CAMK1G: variants seen among roughly 807,000 people sequenced by gnomAD.
CAMK1G encodes calcium/calmodulin dependent protein kinase IG, also known as calcium/calmodulin-dependent protein kinase type 1G.
CAMK1G carries 27 observed loss-of-function variants against 54.8 expected under a neutral mutation model. That is an observed-to-expected ratio of 0.49 (90% CI 0.36 to 0.68). The LOEUF (loss-of-function observed/expected upper bound fraction) is 0.68. CAMK1G is among the 30% of genes least tolerant of loss of function. The pLI, the probability that CAMK1G is intolerant of heterozygous loss-of-function variation, is 0.00. For missense variants in CAMK1G, 512 were observed against 591.0 expected, an observed-to-expected ratio of 0.87 and a Z score of 1.39; for synonymous variants, 238 against 224.9, an observed-to-expected ratio of 1.06 and a Z score of -0.52.
rs1665786483 is a variant in CAMK1G at position 209,611,806 on chromosome 1, A to G, written c.930A>G (p.Ala310=). The G allele has an allele frequency of 3.1e-6, 5 of 1,613,810 alleles. No individual in the cohort carries two copies. The highest frequency in any genetic ancestry group is 4.2e-6 in the Non-Finnish European group (5 of 1,179,948). Reference sequence around the variant, plus strand: ...TGTCTCCTTAGCAAGCCTTCAACGCAGCAGCTGTGGTGCACCACATGAGGA... The same window carrying G: ...TGTCTCCTTAGCAAGCCTTCAACGCGGCAGCTGTGGTGCACCACATGAGGA... ...AKSKWRQAFN[A]AAVVHHMRKL... Residue 310 remains alanine, a synonymous_variant, in exon 11 of 13, where the codon GCA becomes GCG. Transcript: ENST00000361322.
At chr1:209,606,934 G>A (rs543495465) in intron 6 of CAMK1G, among the ~76,000 whole-genome samples, 1 of 152,318 alleles carries the variant, frequency 6.6e-6, no homozygotes, top group African/African-American at 2.4e-5. Flanking sequence ...AGCACTCTGG[G>A]AAATTGGCAA....
intron 1 of CAMK1G, among the ~76,000 whole-genome samples, chr1:209,585,999 C>T (rs1428877493): frequency 6.6e-6 from 1 of 152,238 alleles, no homozygotes; most frequent in Non-Finnish European, 1.5e-5. Context: ...GGGGACTGCA[C>T]GGACTATCCA....
intron 2 of CAMK1G, among the ~76,000 whole-genome samples, chr1:209,599,728 G>A (rs1411268720): frequency 6.6e-6 from 1 of 152,100 alleles, no homozygotes. Context: ...TCCAGTCTAG[G>A]GTCTGATATT....
At position 209,608,997 on chromosome 1, in the gene CAMK1G, C is replaced by T. The variant is rs747266239; in HGVS notation, c.653C>T (p.Pro218Leu). The T allele has an allele frequency of 1.3e-5, 21 of 1,613,992 alleles. No individual in the cohort carries two copies. The highest frequency in any genetic ancestry group is 2.2e-5 in the East Asian group (1 of 44,890). Residue 218 changes from proline (P) to leucine (L), a missense_variant, in exon 8 of 13, where the codon CCA becomes CTA. By Grantham distance (98) the Pro-to-Leu change is moderately conservative (BLOSUM62 -3). This residue lies in a region of CAMK1G where 315 missense variants were observed against 330.5 expected (regional missense o/e 0.95). Coordinates refer to ENST00000361322, the MANE Select transcript of CAMK1G (RefSeq NM_020439.3). ...TGCTGCAGGCTCTGTGGATACCCCC[C>T]ATTCTATGAAGAAACGGAGTCTAAG... ...ITYILLCGYP[P>L]FYEETESKLF... is the part of the protein sequence containing the mutation.
At chr1:209,610,743 T>C (rs567857661) in intron 9 of CAMK1G, among the ~76,000 whole-genome samples, 3 of 152,154 alleles carry the variant, frequency 2.0e-5, no homozygotes, top group East Asian at 1.9e-4. Context: ...CGGCTTACCA[T>C]GTATTACTGC....
In CAMK1G at chr1:209,611,912, T is replaced by G; in HGVS notation, c.1036T>G (p.Ser346Ala). 1 of 1,614,160 alleles carries G rather than the reference T, an allele frequency of 6.2e-7. No individual in the cohort carries two copies. The highest frequency in any genetic ancestry group is 8.5e-7 in the Non-Finnish European group (1 of 1,180,028). The change falls in exon 11 of 13, where the codon TCT becomes GCT. Residue 346 changes from serine (S) to alanine (A), a missense_variant. Around this residue, in one of 3 missense-constraint regions of CAMK1G, gnomAD observed 315 missense variants for 330.5 expected, o/e 0.95. Transcript: ENST00000361322. The part of the protein sequence containing the change: ...RPPETQASET[S>A]RPSSPEITIT... ...GCCTGAAACTCAAGCCTCAGAAACCTCTAGACCCAGCTCCCCTGAGATCAC... is the reference window on the plus strand; with the variant it reads ...GCCTGAAACTCAAGCCTCAGAAACCGCTAGACCCAGCTCCCCTGAGATCAC...
In CAMK1G at chr1:209,612,926, C is replaced by T; in HGVS notation, c.*37+14C>T. On this transcript the variant is annotated intron_variant, in intron 12 of 12. Coordinates refer to ENST00000361322, the MANE Select transcript of CAMK1G (RefSeq NM_020439.3). ...TGCAATTTTCAGGTTAGGAGGGTCA[C>T]AGTGTGAGGCTTGGGGAGAGTTTCT... The T allele has an allele frequency of 1.6e-6, 2 of 1,260,218 alleles. No homozygotes were observed. The highest frequency in any genetic ancestry group is 2.3e-6 in the Non-Finnish European group (2 of 863,144). The allele number at this position is 1,260,218 out of a possible 1,614,324, so 78.1% of individuals were successfully genotyped here. A position where few individuals can be genotyped will look rare whatever the true frequency, so the allele number is the denominator to read the frequency against.
At chr1:209,605,462 C>T (rs2102392101) in intron 4 of CAMK1G, 74 bp from the exon 5 acceptor site, 3 of 1,548,326 alleles carry the variant, frequency 1.9e-6, no homozygotes, top group Non-Finnish European at 2.6e-6. Flanking sequence ...TCCCCCAAGG[C>T]TTCAAAGCAA....
intron 1 of CAMK1G, among the ~76,000 whole-genome samples, chr1:209,589,310 G>A (rs1019258675): frequency 1.7e-4 from 26 of 152,156 alleles, no homozygotes; most frequent in African/African-American, 6.3e-4. Flanking sequence ...TCCCATCCCA[G>A]GCACTAGTGT....
At chr1:209,586,218 C>T (rs1280753156) in intron 1 of CAMK1G, among the ~76,000 whole-genome samples, 1 of 152,138 alleles carries the variant, frequency 6.6e-6, no homozygotes, top group African/African-American at 2.4e-5. Flanking sequence ...AAAGAGGCAC[C>T]TCTTGCATGG....
At chr1:209,590,669 T>A (rs557867597) in intron 1 of CAMK1G, among the ~76,000 whole-genome samples, 1 of 152,220 alleles carries the variant, frequency 6.6e-6, no homozygotes, top group East Asian at 1.9e-4. Context: ...GTCCCAGAGC[T>A]GGAAGGCGGC....
At chr1:209,608,026 A>T in intron 7 of CAMK1G, 93 bp downstream of exon 7, 1 of 931,526 alleles carries the variant, frequency 1.1e-6, no homozygotes, top group Non-Finnish European at 1.7e-6. Context: ...TCCTCCTCCA[A>T]GCACGTGCAT....
intron 2 of CAMK1G, among the ~76,000 whole-genome samples, chr1:209,597,115 C>T (rs1268770322): frequency 6.6e-6 from 1 of 152,146 alleles, no homozygotes; most frequent in Non-Finnish European, 1.5e-5. Context: ...CTGCAGACCC[C>T]ACAGAGTTAC....
intron 3 of CAMK1G, among the ~76,000 whole-genome samples, chr1:209,601,874 G>A (rs1665537429): frequency 1.3e-5 from 2 of 152,156 alleles, no homozygotes; most frequent in Admixed American, 1.3e-4. Context: ...TTCAGACAAG[G>A]AAAGTAAAGA....
intron 1 of CAMK1G, among the ~76,000 whole-genome samples, 159 bp from the exon 2 acceptor site, chr1:209,594,796 G>A (rs926484874): frequency 6.6e-6 from 1 of 152,254 alleles, no homozygotes; most frequent in African/African-American, 2.4e-5. Context: ...AGCAAGTGTG[G>A]AGATAGTTTC....
intron 2 of CAMK1G, among the ~76,000 whole-genome samples, chr1:209,597,074 G>T (rs1665408488): frequency 6.6e-6 from 1 of 152,204 alleles, no homozygotes; most frequent in African/African-American, 2.4e-5. Flanking sequence ...ACATCTCAGT[G>T]GTGCTCAGGA....
chr1:209,603,103 C>G (rs1665568379), intron 3 of CAMK1G, 111 bp from the exon 4 acceptor site: 1 of 904,512 alleles, frequency 1.1e-6, no homozygotes, highest in Non-Finnish European at 1.8e-6. Context: ...ACCTAGTCTT[C>G]CTAAACATTG....
At chr1:209,595,556 A>G (rs1035697931) in intron 2 of CAMK1G, among the ~76,000 whole-genome samples, 9 of 151,292 alleles carry the variant, frequency 5.9e-5, no homozygotes, top group Non-Finnish European at 1.0e-4. Context: ...TGCCTCTGTC[A>G]GGAGAGGGGA....
rs534793825 is a variant in CAMK1G at position 209,608,069 on chromosome 1, G to A, written c.635+136G>A. The stretch of plus-strand genomic sequence containing the variant: ...AACAGACACAGGCACAGGGGCACAC[G>A]GGTACACACACACACACACACACAC... On this transcript the variant is annotated intron_variant, in intron 7 of 12. Transcript: ENST00000361322. 3,794 of 602,380 alleles carry A rather than the reference G, an allele frequency of 6.3e-3. 21 individuals carry two copies. Among genetic ancestry groups the A allele is most frequent in the Non-Finnish European group, 8.0e-3 (2,742 of 344,468 alleles). 37.3% of individuals were successfully genotyped at this position (602,380 alleles called of 1,614,324 possible).
Sources: allele counts gnomAD v4.1 joint callset (sites outside exome capture counted in the v4.1 genomes callset), GRCh38; gene constraint gnomAD v4.1.1; regional missense constraint gnomAD v4.1.1; transcripts MANE v1.5; gene names NCBI Gene and HGNC (gene_info 2026-07-23, HGNC 2026-07-21).